CELF6: variants seen among roughly 807,000 people sequenced by gnomAD.
CELF6 encodes the protein CUGBP Elav-like family member 6.
In CELF6, 32 loss-of-function variants were observed where a neutral mutation model predicts 53.1. The ratio of observed to expected loss-of-function variants is 0.60; its 90% confidence interval spans 0.46 to 0.81. The LOEUF (loss-of-function observed/expected upper bound fraction) is 0.81. Ranked by LOEUF, CELF6 falls within the 30% of genes least tolerant of loss-of-function variation. The pLI is 0.00. For missense variants in CELF6, 539 were observed against 669.5 expected (o/e 0.81, Z 2.15); for synonymous variants, 291 against 288.8 (o/e 1.01, Z -0.08).
Position 72,288,244 on chromosome 15 carries a change from G to C in CELF6, c.1318+64C>G. Reference sequence around the variant, plus strand: ...ACTGCATTATGGAAGGGCAATCGTAGGGTCTGTAGGAAATCCTTTATAGTC... The same window carrying C: ...ACTGCATTATGGAAGGGCAATCGTACGGTCTGTAGGAAATCCTTTATAGTC... On this transcript the variant is annotated intron_variant, in intron 11 of 12. Transcript: ENST00000287202. The surrounding 1 kb of genome is among the most constrained non-coding windows in gnomAD (Gnocchi z 4.6). 8.5e-6 allele frequency: 13 copies of C among 1,529,940 alleles called. No individual in the cohort carries two copies. Among genetic ancestry groups the C allele is most frequent in the Non-Finnish European group, 1.0e-5 (11 of 1,103,882 alleles). 94.8% of individuals were successfully genotyped at this position (1,529,940 alleles called of 1,614,324 possible).
chr15:72,311,559 C>T (rs1489587892), intron 2 of CELF6, among the ~76,000 whole-genome samples: 4 of 150,566 alleles, frequency 2.7e-5, no homozygotes, highest in Non-Finnish European at 4.4e-5. Context: ...CTCGCCATCA[C>T]GCCCTGCTAA....
In CELF6 at chr15:72,289,556, T is replaced by C; in HGVS notation, c.748-49A>G. The C allele has an allele frequency of 6.7e-7, 1 of 1,484,824 alleles. No homozygotes were observed. Among genetic ancestry groups the C allele is most frequent in the Non-Finnish European group, 8.9e-7 (1 of 1,122,284 alleles). The allele number at this position is 1,484,824 out of a possible 1,614,324, so 92.0% of individuals were successfully genotyped here. A position where few individuals can be genotyped will look rare whatever the true frequency, so the allele number is the denominator to read the frequency against. On this transcript the variant is annotated intron_variant, in intron 6 of 12. Coordinates refer to ENST00000287202, the MANE Select transcript of CELF6 (RefSeq NM_052840.5). The surrounding 1 kb of genome is among the most constrained non-coding windows in gnomAD (Gnocchi z 7.6). ...AGTGGAGGGCCAAGGGGCAGGCAGC[T>C]GCCCGTGCTCTCAGCCCCAGGCCTG... is the stretch of plus-strand genomic sequence containing the variant.
At chr15:72,307,046 A>C (rs2088239880) in intron 2 of CELF6, among the ~76,000 whole-genome samples, 1 of 151,852 alleles carries the variant, frequency 6.6e-6, no homozygotes, top group Non-Finnish European at 1.5e-5. Context: ...GAAGAAGGCC[A>C]AAAGAGTAGA....
intron 3 of CELF6, 142 bp from the exon 4 acceptor site, chr15:72,290,397 GT>G (rs1221502089): frequency 2.0e-6 from 2 of 1,005,576 alleles, no homozygotes. Context: ...TCCAGGGTTG[GT>G]TTTCATTGAG....
Position 72,289,028 on chromosome 15 carries a change from G to T in CELF6, c.1031-98C>A. On this transcript the variant is annotated intron_variant, in intron 8 of 12. Transcript: ENST00000287202. This position sits in a 1 kb window ranked among gnomAD's most constrained non-coding sequence, Gnocchi z 7.6. The stretch of plus-strand genomic sequence containing the variant: ...TGTGGGAGGTGGACGGCGGCTGTGA[G>T]AGACAGCAGGGAAGGAGGGGGATCT... 1 of 1,294,914 alleles carries T rather than the reference G, an allele frequency of 7.7e-7. No individual in the cohort carries two copies. Among genetic ancestry groups the T allele is most frequent in the Non-Finnish European group, 1.1e-6 (1 of 936,366 alleles). The allele number at this position is 1,294,914 out of a possible 1,614,324, so 80.2% of individuals were successfully genotyped here.
rs2087955170 is a variant in CELF6 at position 72,288,720 on chromosome 15, T to A, written c.1094-102A>T. 2 of 1,382,764 alleles carry A rather than the reference T, an allele frequency of 1.4e-6. No individual in the cohort carries two copies. The highest frequency in any genetic ancestry group is 2.0e-6 in the Non-Finnish European group (2 of 992,800). The allele number at this position is 1,382,764 out of a possible 1,614,324, so 85.7% of individuals were successfully genotyped here. A position where few individuals can be genotyped will look rare whatever the true frequency, so the allele number is the denominator to read the frequency against. ...TTGACCAATTCAGCCCAGTCCACCATAACCCTCACCCCAAGAGAGGTCGTT... is the reference window on the plus strand; with the variant it reads ...TTGACCAATTCAGCCCAGTCCACCAAAACCCTCACCCCAAGAGAGGTCGTT... On this transcript the variant is annotated intron_variant, in intron 9 of 12. Transcript: ENST00000287202. The surrounding 1 kb of genome is among the most constrained non-coding windows in gnomAD (Gnocchi z 4.6).
In CELF6 at chr15:72,306,195, C is replaced by T. The variant is rs894137283; in HGVS notation, c.346-1401G>A. 6 of 980,254 alleles carry T rather than the reference C, an allele frequency of 6.1e-6. No individual in the cohort carries two copies. The African/African-American group carries it at 1.1e-4, about 17-fold the overall frequency. 60.7% of individuals were successfully genotyped at this position (980,254 alleles called of 1,614,324 possible). ...ATGAGGTAATGGGGACGCAAAAGGT[C>T]TTTGTAAACTGCCAAGAGCTGGGTG... On this transcript the variant is annotated intron_variant, in intron 2 of 12. Transcript: ENST00000287202.
Position 72,319,650 on chromosome 15 carries a change from C to G in CELF6, c.225G>C (p.Leu75=). 1 of 1,573,020 alleles carries G rather than the reference C, an allele frequency of 6.4e-7. No individual in the cohort carries two copies. The highest frequency in any genetic ancestry group is 8.6e-7 in the Non-Finnish European group (1 of 1,158,324). ...LFEEFGRIYE[L]TVLKDRLTGL... ...CGGTGAGCCGGTCCTTCAGCACCGTCAGCTCGTAGATGCGGCCGAACTCCT... is the reference window on the plus strand; with the variant it reads ...CGGTGAGCCGGTCCTTCAGCACCGTGAGCTCGTAGATGCGGCCGAACTCCT... Residue 75 remains leucine (L), a synonymous_variant, in exon 1 of 13, where the codon CTG becomes CTC. Transcript: ENST00000287202. This position sits in a 1 kb window ranked among gnomAD's most constrained non-coding sequence, Gnocchi z 5.0.
intron 3 of CELF6, among the ~76,000 whole-genome samples, chr15:72,304,304 A>T (rs1004923773): frequency 2.3e-4 from 35 of 152,258 alleles, no homozygotes; most frequent in African/African-American, 8.2e-4. Flanking sequence ...ATCTTTTACC[A>T]TGAGCAGCTA....
At chr15:72,287,105 G>T in intron 12 of CELF6, 132 bp downstream of exon 12, 1 of 757,016 alleles carries the variant, frequency 1.3e-6, no homozygotes, top group Non-Finnish European at 2.1e-6. Context: ...TTTCCTCCTA[G>T]CTCCTGGCTC....
Position 72,285,312 on chromosome 15 carries a change from A to G in CELF6, c.*1059T>C, listed in dbSNP as rs1189613728. 3.3e-5 allele frequency: 5 copies of G among 152,622 alleles called. No homozygotes were observed. Among genetic ancestry groups the G allele is most frequent in the African/African-American group, 9.6e-5 (4 of 41,452 alleles). The allele number at this position is 152,622 out of a possible 1,614,324, so 9.5% of individuals were successfully genotyped here. A position where few individuals can be genotyped will look rare whatever the true frequency, so the allele number is the denominator to read the frequency against. On this transcript the variant is annotated 3_prime_UTR_variant, in exon 13 of 13. Coordinates refer to ENST00000287202, the MANE Select transcript of CELF6 (RefSeq NM_052840.5). Reference sequence around the variant, plus strand: ...CATATTGAAAAATTTCCCCTTCTCAATGGCAGTATATACAGTAGCAAACCT... The same window carrying G: ...CATATTGAAAAATTTCCCCTTCTCAGTGGCAGTATATACAGTAGCAAACCT...
At chr15:72,304,466 A>G (rs1217372709) in intron 3 of CELF6, among the ~76,000 whole-genome samples, 3 of 152,158 alleles carry the variant, frequency 2.0e-5, no homozygotes, top group Non-Finnish European at 4.4e-5. Flanking sequence ...AACAGGAATG[A>G]TCTCTCTCCA....
At chr15:72,301,236 C>T (rs1181337056) in intron 3 of CELF6, among the ~76,000 whole-genome samples, 1 of 152,134 alleles carries the variant, frequency 6.6e-6, no homozygotes, top group African/African-American at 2.4e-5. Context: ...TCAAGTCATC[C>T]TCCCGCCTTG....
chr15:72,288,789 G>T lies in CELF6; in HGVS notation c.1093+79C>A. On this transcript the variant is annotated intron_variant, in intron 9 of 12. Transcript: ENST00000287202. The surrounding 1 kb of genome is among the most constrained non-coding windows in gnomAD (Gnocchi z 4.6). ...GGGAGGATCAACTCCTTGGAACAGA[G>T]CCTAAATCCCCCACAACTCTCCCTA... 1 of 1,424,586 alleles carries T rather than the reference G, an allele frequency of 7.0e-7. No individual in the cohort carries two copies. The highest frequency in any genetic ancestry group is 9.7e-7 in the Non-Finnish European group (1 of 1,031,420). 88.2% of individuals were successfully genotyped at this position (1,424,586 alleles called of 1,614,324 possible).
intron 3 of CELF6, among the ~76,000 whole-genome samples, chr15:72,297,122 C>G (rs2088090872): frequency 1.3e-5 from 2 of 152,138 alleles, no homozygotes; most frequent in Admixed American, 1.3e-4. Flanking sequence ...ACCTTGCCTA[C>G]TTATCACTTT....
At chr15:72,308,454 C>G (rs545121182) in intron 2 of CELF6, among the ~76,000 whole-genome samples, 3 of 151,936 alleles carry the variant, frequency 2.0e-5, no homozygotes, top group African/African-American at 4.8e-5. Context: ...CTTGAACTCC[C>G]GACCTCAGGT....
chr15:72,307,096 A>G (rs2088240477), intron 2 of CELF6, among the ~76,000 whole-genome samples: 1 of 152,094 alleles, frequency 6.6e-6, no homozygotes, highest in Admixed American at 6.6e-5. Context: ...CAAGACCATC[A>G]TTATTTTATT....
intron 3 of CELF6, among the ~76,000 whole-genome samples, chr15:72,300,852 A>AAAAG (rs746595381): frequency 6.6e-6 from 1 of 151,512 alleles, no homozygotes. Context: ...AAAAAAAAAA[A>AAAAG]CTCATGTGTG....
Position 72,288,211 on chromosome 15 carries a change from A to G in CELF6, c.1318+97T>C, listed in dbSNP as rs1234809162. ...TGTTTTGTGCCATACATTCAATCTC[A>G]GGAAATCACTGCATTATGGAAGGGC... On this transcript the variant is annotated intron_variant, in intron 11 of 12. Transcript: ENST00000287202. The surrounding 1 kb of genome is among the most constrained non-coding windows in gnomAD (Gnocchi z 4.6). The G allele has an allele frequency of 6.8e-6, 9 of 1,316,800 alleles. No individual in the cohort carries two copies. Among genetic ancestry groups the G allele is most frequent in the Non-Finnish European group, 7.6e-6 (7 of 915,484 alleles). 81.6% of individuals were successfully genotyped at this position (1,316,800 alleles called of 1,614,324 possible). A position where few individuals can be genotyped will look rare whatever the true frequency, so the allele number is the denominator to read the frequency against.
Sources: gnomAD v4.1 joint callset for allele counts (sites outside exome capture counted in the v4.1 genomes callset) on GRCh38, gnomAD v4.1.1 for gene constraint, Gnocchi (gnomAD v3.1) non-coding constraint, MANE v1.5 for transcripts, NCBI Gene and HGNC (gene_info 2026-07-23, HGNC 2026-07-21) for gene names.